ZBTB20: variants seen among roughly 807,000 people sequenced by gnomAD.
ZBTB20 encodes the protein zinc finger and BTB domain containing 20.
Under a neutral mutation model 56.9 loss-of-function variants are expected in ZBTB20, and 9 were observed. That is an observed-to-expected ratio of 0.16 (90% CI 0.10 to 0.28). The LOEUF is 0.28. ZBTB20 is among the 10% of genes least tolerant of loss of function. The pLI, the probability that ZBTB20 is intolerant of heterozygous loss-of-function variation, is 1.00. For synonymous variants in ZBTB20, 417 were observed against 420.7 expected (o/e 0.99, Z 0.11); for missense variants, 655 against 1,003.0 (o/e 0.65, Z 4.69).
rs149555478 is a variant in ZBTB20 at position 114,550,218 on chromosome 3, A to G, written c.-294-49827T>C. Among the ~76,000 whole-genome samples, 497 of 152,330 alleles carry G rather than the reference A, an allele frequency of 3.3e-3. 3 individuals are homozygous for G. Among genetic ancestry groups the G allele is most frequent in the African/African-American group, 0.011 (470 of 41,578 alleles). The stretch of plus-strand genomic sequence containing the variant: ...CTCCCAAAGTGCTGGAATTACAGGC[A>G]TGAGCCACTGTGCCCACCCTATAAC... On this transcript the variant is annotated intron_variant, in intron 6 of 11. Transcript: ENST00000675478.
intron 5 of ZBTB20, among the ~76,000 whole-genome samples, chr3:114,726,690 A>G (rs941459146): frequency 6.6e-6 from 1 of 152,070 alleles, no homozygotes; most frequent in Non-Finnish European, 1.5e-5. Context: ...AGGTGGGCGG[A>G]TCACGAGGTC....
At chr3:115,044,928 G>A (rs562865484) in intron 2 of ZBTB20, among the ~76,000 whole-genome samples, 1 of 152,318 alleles carries the variant, frequency 6.6e-6, no homozygotes, top group African/African-American at 2.4e-5. Flanking sequence ...AGCTCCTGTT[G>A]ATCTGCACTG....
chr3:114,423,490 G>A lies in ZBTB20; in HGVS notation c.-254-34385C>T, dbSNP rs1329703157. On this transcript the variant is annotated intron_variant, in intron 7 of 11. Coordinates refer to ENST00000675478, the MANE Select transcript of ZBTB20 (RefSeq NM_001348800.3). ...TGGAAATGGGGAAAGCTTAGCAAGG[G>A]TTCAGAGCAAAGGCCAAAGAACCTT... Among the ~76,000 whole-genome samples, 5 of 152,158 alleles carry A rather than the reference G, an allele frequency of 3.3e-5. No individual in the cohort carries two copies. The East Asian group carries it at 9.6e-4, about 29-fold the overall frequency.
chr3:114,809,624 A>G (rs1385439562), intron 4 of ZBTB20, among the ~76,000 whole-genome samples: 1 of 152,160 alleles, frequency 6.6e-6, no homozygotes, highest in Non-Finnish European at 1.5e-5. Context: ...TATTTATAAT[A>G]GTGCTTTCAA....
intron 6 of ZBTB20, among the ~76,000 whole-genome samples, chr3:114,600,057 G>A (rs981153874): frequency 6.6e-6 from 1 of 151,934 alleles, no homozygotes; most frequent in East Asian, 1.9e-4. Flanking sequence ...TTTATCTTGA[G>A]GACCAGTTGA....
intron 1 of ZBTB20, among the ~76,000 whole-genome samples, chr3:115,118,737 G>C (rs886656144): frequency 1.5e-5 from 1 of 66,498 alleles, no homozygotes; most frequent in African/African-American, 7.7e-5. Context: ...TTTTTTTTGA[G>C]ACGGAGTCTC....
chr3:114,787,366 T>TATATATATATATATATATATACACAC (rs1278656494), intron 5 of ZBTB20, among the ~76,000 whole-genome samples: 1 of 82,900 alleles, frequency 1.2e-5, no homozygotes, highest in African/African-American at 5.3e-5. Context: ...TATATATATA[T>TATATATATATATATATATATACACAC]ATACACACAC....
intron 7 of ZBTB20, among the ~76,000 whole-genome samples, chr3:114,397,659 A>G (rs1258833360): frequency 6.6e-6 from 1 of 151,976 alleles, no homozygotes; most frequent in African/African-American, 2.4e-5. Flanking sequence ...TCATACTGGA[A>G]CTTCAAGATG....
chr3:114,532,397 C>A (rs1029928422), intron 6 of ZBTB20, among the ~76,000 whole-genome samples: 1 of 152,144 alleles, frequency 6.6e-6, no homozygotes, highest in Admixed American at 6.5e-5. Context: ...TGGAGCCCAC[C>A]ACAGTTCGGC....
chr3:114,445,297 T>G (rs1335942429), intron 7 of ZBTB20, among the ~76,000 whole-genome samples: 1 of 152,292 alleles, frequency 6.6e-6, no homozygotes, highest in Non-Finnish European at 1.5e-5. Context: ...ATTGATTGAC[T>G]CTTATTTTCC....
intron 5 of ZBTB20, among the ~76,000 whole-genome samples, chr3:114,705,390 T>C (rs961732079): frequency 2.0e-5 from 3 of 152,094 alleles, no homozygotes; most frequent in Non-Finnish European, 4.4e-5. Context: ...CCAAAATTAC[T>C]CCAATGATAG....
chr3:115,107,789 C>T (rs188103758), intron 1 of ZBTB20, among the ~76,000 whole-genome samples: 44 of 152,318 alleles, frequency 2.9e-4, no homozygotes, highest in Admixed American at 2.4e-3. Flanking sequence ...TGTACATATA[C>T]ACCATGGAAT....
At chr3:114,744,545 G>T (rs1202255353) in intron 5 of ZBTB20, among the ~76,000 whole-genome samples, 2 of 151,980 alleles carry the variant, frequency 1.3e-5, no homozygotes, top group African/African-American at 4.8e-5. Context: ...TACATGCAAG[G>T]GTGCTGAAAA....
intron 7 of ZBTB20, among the ~76,000 whole-genome samples, chr3:114,486,139 G>GTGTGTGT (rs1577037951): frequency 1.2e-4 from 4 of 34,382 alleles, no homozygotes; most frequent in South Asian, 2.1e-3. Context: ...TGTGTGTGTG[G>GTGTGTGT]GGGGGGGGGG....
At chr3:114,652,711 T>C (rs111831471) in intron 6 of ZBTB20, among the ~76,000 whole-genome samples, 61 of 152,116 alleles carry the variant, frequency 4.0e-4, no homozygotes, top group African/African-American at 1.5e-3. Flanking sequence ...TTTATCTTAA[T>C]GTTAGAAAAA....
chr3:114,862,543 T>C (rs1363061838), intron 4 of ZBTB20, among the ~76,000 whole-genome samples: 2 of 152,156 alleles, frequency 1.3e-5, no homozygotes, highest in Non-Finnish European at 2.9e-5. Flanking sequence ...TTATCAATTA[T>C]TGAGTGTGCA....
intron 2 of ZBTB20, among the ~76,000 whole-genome samples, chr3:115,028,552 T>C (rs2080524171): frequency 6.6e-6 from 1 of 150,590 alleles, no homozygotes; most frequent in East Asian, 1.9e-4. Flanking sequence ...CATATATGGC[T>C]CACATTGTAT....
At chr3:114,673,449 C>T (rs949678752) in intron 6 of ZBTB20, among the ~76,000 whole-genome samples, 1 of 152,140 alleles carries the variant, frequency 6.6e-6, no homozygotes, top group Non-Finnish European at 1.5e-5. Flanking sequence ...ATAACCTCGA[C>T]TATTTAACTG....
At chr3:114,991,994 G>C (rs1437376856) in intron 2 of ZBTB20, among the ~76,000 whole-genome samples, 1 of 151,784 alleles carries the variant, frequency 6.6e-6, no homozygotes, top group African/African-American at 2.4e-5. Flanking sequence ...GAGCCTATGT[G>C]TCTATGCACG....
Sources: allele counts gnomAD v4.1 joint callset (sites outside exome capture counted in the v4.1 genomes callset), GRCh38; gene constraint gnomAD v4.1.1; transcripts MANE v1.5; gene names NCBI Gene and HGNC (gene_info 2026-07-23, HGNC 2026-07-21).